The following ARHGAP17 variants were observed in gnomAD, a reference collection of about 807,000 sequenced individuals.
ARHGAP17 encodes the protein Rho GTPase activating protein 17.
Under a neutral mutation model 99.5 loss-of-function variants are expected in ARHGAP17, and 57 were observed. The ratio of observed to expected loss-of-function variants is 0.57; its 90% confidence interval spans 0.46 to 0.71. The LOEUF (loss-of-function observed/expected upper bound fraction) is 0.71, where lower values mean the gene tolerates loss of function less well. Ranked by LOEUF, ARHGAP17 falls within the 30% of genes least tolerant of loss-of-function variation. The pLI is 0.00. For missense variants in ARHGAP17, 1,000 were observed against 1,122.4 expected, an observed-to-expected ratio of 0.89 and a Z score of 1.56; for synonymous variants, 417 against 429.6, an observed-to-expected ratio of 0.97 and a Z score of 0.36.
intron 1 of ARHGAP17, among the ~76,000 whole-genome samples, chr16:24,989,221 G>A (rs998022308): frequency 1.3e-5 from 2 of 152,196 alleles, no homozygotes; most frequent in African/African-American, 4.8e-5. Flanking sequence ...GAGGTGCACA[G>A]CGTCTGAAGA....
At chr16:24,941,890 G>A (rs563424743) in intron 16 of ARHGAP17, 97 bp downstream of exon 16, 26 of 1,554,600 alleles carry the variant, frequency 1.7e-5, no homozygotes, top group African/African-American at 1.5e-4. Flanking sequence ...GGTGGATGGC[G>A]ACCACTCTCA....
intron 19 of ARHGAP17, among the ~76,000 whole-genome samples, chr16:24,927,488 C>T (rs1017715774): frequency 6.6e-6 from 1 of 152,182 alleles, no homozygotes; most frequent in Non-Finnish European, 1.5e-5. Context: ...CCACCTGTTC[C>T]ACATCTGGGT....
At chr16:24,939,275 T>G (rs868076127) in intron 17 of ARHGAP17, 89 bp downstream of exon 17, 2 of 1,228,284 alleles carry the variant, frequency 1.6e-6, no homozygotes, top group Non-Finnish European at 1.1e-6. Context: ...GAGCAGTTCT[T>G]TGGGCATGGA....
intron 1 of ARHGAP17, among the ~76,000 whole-genome samples, chr16:25,010,897 A>C (rs1416382724): frequency 6.6e-6 from 1 of 152,236 alleles, no homozygotes; most frequent in Non-Finnish European, 1.5e-5. Flanking sequence ...GGTTCTCAAA[A>C]AACAACTATC....
intron 15 of ARHGAP17, 28 bp from the exon 16 acceptor site, chr16:24,942,171 T>C: frequency 2.5e-6 from 4 of 1,569,170 alleles, no homozygotes; most frequent in African/African-American, 1.4e-5. Context: ...AACAAGTGCA[T>C]GAGACACTGA....
At chr16:24,932,136 G>C (rs1418868401) in intron 18 of ARHGAP17, among the ~76,000 whole-genome samples, 2 of 151,636 alleles carry the variant, frequency 1.3e-5, no homozygotes, top group South Asian at 2.1e-4. Flanking sequence ...TGGGGGGGAT[G>C]GGGGGACTAG....
intron 3 of ARHGAP17, among the ~76,000 whole-genome samples, chr16:24,972,887 G>A (rs974044814): frequency 6.6e-6 from 1 of 152,046 alleles, no homozygotes; most frequent in Non-Finnish European, 1.5e-5. Flanking sequence ...TCCTCCACAG[G>A]GAGGGCTTCG....
chr16:24,927,066 T>A (rs1253998573), intron 19 of ARHGAP17, among the ~76,000 whole-genome samples: 1 of 151,712 alleles, frequency 6.6e-6, no homozygotes, highest in African/African-American at 2.4e-5. Flanking sequence ...AGGTCAGGAG[T>A]TCGAGACCAG....
intron 19 of ARHGAP17, 191 bp from the exon 20 acceptor site, chr16:24,920,451 A>C (rs1264871101): frequency 1.6e-6 from 1 of 610,746 alleles, no homozygotes; most frequent in Non-Finnish European, 2.8e-6. Context: ...GCAGCTGAGT[A>C]GCACAGCCTT....
chr16:24,988,238 C>T (rs1052447260), intron 1 of ARHGAP17, among the ~76,000 whole-genome samples: 3 of 152,056 alleles, frequency 2.0e-5, no homozygotes, highest in Non-Finnish European at 4.4e-5. Flanking sequence ...TTAAAATAAA[C>T]GACTCTCTGA....
In ARHGAP17 at chr16:24,952,348, C is replaced by A; in HGVS notation, c.987G>T (p.Arg329=). ...AAGTCATCAAAGGTTCAGGCAATTCCCGTAAATAGGATTTTAAAGCACCTG... is the reference window on the plus strand; with the variant it reads ...AAGTCATCAAAGGTTCAGGCAATTCACGTAAATAGGATTTTAAAGCACCTG... ...AVAGALKSYL[R]ELPEPLMTFN... Residue 329 remains arginine, a synonymous_variant, in exon 12 of 20, where the codon CGG becomes CGT. Transcript: ENST00000289968. 6.2e-7 allele frequency: 1 copy of A among 1,613,110 alleles called. No individual in the cohort carries two copies. Among genetic ancestry groups the A allele is most frequent in the South Asian group, 1.1e-5 (1 of 90,982 alleles).
rs905961260 is a variant in ARHGAP17, at chr16:24,977,336, A to G, written c.94-17T>C. 6.4e-7 allele frequency: 1 copy of G among 1,556,396 alleles called. No homozygotes were observed. The highest frequency in any genetic ancestry group is 8.8e-7 in the Non-Finnish European group (1 of 1,141,970). ...TCTCTCAATCTGACAAGGCAGAGAC[A>G]AAAGAGAACAAATTCATCCTCTTTC... On this transcript the variant is annotated splice_polypyrimidine_tract_variant and intron_variant, in intron 2 of 19. Coordinates refer to ENST00000289968, the MANE Select transcript of ARHGAP17 (RefSeq NM_001006634.3).
chr16:25,006,044 A>C (rs2053496106), intron 1 of ARHGAP17, among the ~76,000 whole-genome samples: 1 of 152,180 alleles, frequency 6.6e-6, no homozygotes, highest in African/African-American at 2.4e-5. Flanking sequence ...TAATCATTAA[A>C]ATGGTGACCG....
rs183576905 is a variant in ARHGAP17, at chr16:24,987,613, A to G, written c.54-8608T>C. Among the ~76,000 whole-genome samples, 282 of 151,968 alleles carry G rather than the reference A, an allele frequency of 1.9e-3. 1 individual carries two copies. The highest frequency in any genetic ancestry group is 5.9e-3 in the African/African-American group (246 of 41,428). ...AGGGGCTCATCTTTCTACCACCAAG[A>G]GCACCCCCAACCCAAGGATGGCAAA... On this transcript the variant is annotated intron_variant, in intron 1 of 19. Coordinates refer to ENST00000289968, the MANE Select transcript of ARHGAP17 (RefSeq NM_001006634.3).
intron 14 of ARHGAP17, among the ~76,000 whole-genome samples, chr16:24,946,390 G>T (rs1390063328): frequency 6.6e-6 from 1 of 151,524 alleles, no homozygotes; most frequent in Non-Finnish European, 1.5e-5. Flanking sequence ...GCCCATCCAG[G>T]TCCTGGCTGT....
intron 14 of ARHGAP17, among the ~76,000 whole-genome samples, chr16:24,946,791 T>C (rs1213270216): frequency 6.6e-6 from 1 of 152,208 alleles, no homozygotes; most frequent in Non-Finnish European, 1.5e-5. Context: ...TCTCCACAAC[T>C]AACTGCCCTA....
chr16:24,959,575 C>A, intron 9 of ARHGAP17, 96 bp downstream of exon 9: 1 of 1,179,782 alleles, frequency 8.5e-7, no homozygotes, highest in South Asian at 1.5e-5. Context: ...AGCTTTATCC[C>A]AAGGACGTGC....
intron 19 of ARHGAP17, among the ~76,000 whole-genome samples, chr16:24,922,145 T>C (rs2050734387): frequency 6.6e-6 from 1 of 152,266 alleles, no homozygotes; most frequent in Non-Finnish European, 1.5e-5. Flanking sequence ...AGAAAATCAC[T>C]GCAAATGCAA....
intron 3 of ARHGAP17, 81 bp from the exon 4 acceptor site, chr16:24,970,661 A>G: frequency 3.0e-6 from 4 of 1,344,020 alleles, no homozygotes; most frequent in Non-Finnish European, 4.3e-6. Context: ...ATCATTCATT[A>G]ATTTCTCCCT....
Sources: gnomAD v4.1 joint callset for allele counts (sites outside exome capture counted in the v4.1 genomes callset) on GRCh38, gnomAD v4.1.1 for gene constraint, MANE v1.5 for transcripts, NCBI Gene and HGNC (gene_info 2026-07-23, HGNC 2026-07-21) for gene names.